The following TTN variants were observed in gnomAD, a reference collection of about 807,000 sequenced individuals.
TTN encodes the protein connectin.
Under a neutral mutation model 3,223.0 loss-of-function variants are expected in TTN, and 1,525 were observed. The observed-to-expected ratio is 0.47, with a 90% CI of 0.45 to 0.49. The LOEUF is 0.49. TTN is among the 20% of genes least tolerant of loss of function. The pLI is 0.00. For missense variants in TTN, 40,786 were observed against 43,424.0 expected (o/e 0.94, Z 5.40); for synonymous variants, 14,094 against 15,161.0 (o/e 0.93, Z 5.17).
intron 307 of TTN, 118 bp downstream of exon 307, chr2:178,587,000 C>G (rs971715072): frequency 2.1e-5 from 29 of 1,408,080 alleles, no homozygotes; most frequent in Non-Finnish European, 2.7e-5. Flanking sequence ...ATTTATTACA[C>G]TATTTCGGTC....
intron 98 of TTN, 133 bp downstream of exon 98, chr2:178,710,502 T>G (rs2076498244): frequency 8.8e-7 from 1 of 1,132,556 alleles, no homozygotes; most frequent in African/African-American, 1.6e-5. Context: ...ATAAACTTAT[T>G]TCCTCTTAAA....
At chr2:178,599,932 G>C in intron 288 of TTN, 82 bp from the exon 289 acceptor site, 1 of 1,349,712 alleles carries the variant, frequency 7.4e-7, no homozygotes, top group South Asian at 1.6e-5. Flanking sequence ...CTATAAAGTT[G>C]TTTGGATCCA....
intron 106 of TTN, among the ~76,000 whole-genome samples, chr2:178,703,331 T>C (rs892215791): frequency 6.6e-6 from 1 of 152,156 alleles, no homozygotes; most frequent in Non-Finnish European, 1.5e-5. Context: ...TAAAGAATTA[T>C]ATTAAAAATA....
chr2:178,533,224 T>G lies in TTN; in HGVS notation c.103391A>C (p.Lys34464Thr), dbSNP rs1559023019. ...GTGTCGCTCATGCTCCTCCTTACTCTTGAATTCCTGTTTCTTGTACCTCAG... is the reference window on the plus strand; with the variant it reads ...GTGTCGCTCATGCTCCTCCTTACTCGTGAATTCCTGTTTCTTGTACCTCAG... ...ERLRYKKQEF[K>T]SKEEHERHVQ... The change falls in exon 358 of 363, where the codon AAG becomes ACG. Residue 34464 changes from lysine to threonine, a missense_variant. By Grantham distance (78) the Lys-to-Thr change is moderately conservative. Coordinates refer to ENST00000589042, the MANE Select transcript of TTN (RefSeq NM_001267550.2). 4 of 1,613,996 alleles carry G rather than the reference T, an allele frequency of 2.5e-6. No homozygotes were observed. Among genetic ancestry groups the G allele is most frequent in the Non-Finnish European group, 2.5e-6 (3 of 1,179,870 alleles).
Position 178,773,735 on chromosome 2 carries a change from C to A in TTN, c.7331-10G>T. The A allele has an allele frequency of 6.2e-7, 1 of 1,614,040 alleles. No individual in the cohort carries two copies. The highest frequency in any genetic ancestry group is 8.5e-7 in the Non-Finnish European group (1 of 1,179,968). On this transcript the variant is annotated splice_polypyrimidine_tract_variant and intron_variant, in intron 31 of 362. Coordinates refer to ENST00000589042, the MANE Select transcript of TTN (RefSeq NM_001267550.2). ...GTTATCACGTCCACACCTGCAAAAT[C>A]ATACACACACAAGATGAATGAATTT... is the stretch of plus-strand genomic sequence containing the variant.
Position 178,725,862 on chromosome 2 carries a change from A to G in TTN, c.20460T>C (p.Ile6820=). 6.2e-7 allele frequency: 1 copy of G among 1,613,262 alleles called. No individual in the cohort carries two copies. The highest frequency in any genetic ancestry group is 8.5e-7 in the Non-Finnish European group (1 of 1,179,482). Residue 6820 remains isoleucine, a synonymous_variant, in exon 70 of 363, where the codon ATT becomes ATC. Transcript: ENST00000589042. ...CGATGTCTGAAGTGTCCACATTGAG[A>G]ATGTGAATACTTGTGTGGAAGTTTT... The part of the protein sequence containing the change: ...ASKNFHTSIH[I]LNVDTSDIGE...
At position 178,579,157 on chromosome 2, in the gene TTN, G is replaced by C. The variant is rs753627819; in HGVS notation, c.67873C>G (p.Leu22625Val). The C allele has an allele frequency of 6.2e-7, 1 of 1,613,404 alleles. No individual in the cohort carries two copies. The highest frequency in any genetic ancestry group is 8.5e-7 in the Non-Finnish European group (1 of 1,179,538). The change falls in exon 320 of 363, where the codon CTT becomes GTT. Residue 22625 changes from leucine (L) to valine (V), a missense_variant. Coordinates refer to ENST00000589042, the MANE Select transcript of TTN (RefSeq NM_001267550.2). ...KSDAGKYTIT[L>V]KNVAGTKEGT... ...TCCTTGGTGCCAGCAACATTCTTAAGTGTGATTGTGTATTTTCCAGCATCA... is the reference window on the plus strand; with the variant it reads ...TCCTTGGTGCCAGCAACATTCTTAACTGTGATTGTGTATTTTCCAGCATCA...
chr2:178,538,007 T>A, intron 354 of TTN, 90 bp from the exon 355 acceptor site: 1 of 1,158,028 alleles, frequency 8.6e-7, no homozygotes, highest in Non-Finnish European at 1.2e-6. Context: ...TTTACCTTAT[T>A]TACTGACACA....
At position 178,768,822 on chromosome 2, in the gene TTN, C is replaced by T. The variant is rs2090986560; in HGVS notation, c.9014G>A (p.Gly3005Asp). ...EGISYKWLKN[G>D]VEIKSTDKCQ... The stretch of plus-strand genomic sequence containing the variant: ...CTTGTCAGTTGATTTGATTTCCACA[C>T]CATTCTTTAACCATTTGTAAGAGAT... The change falls in exon 38 of 363, where the codon GGT becomes GAT. Residue 3005 changes from glycine to aspartate, a missense_variant. Gly to Asp is a moderately conservative substitution (Grantham distance 94). Coordinates refer to ENST00000589042, the MANE Select transcript of TTN (RefSeq NM_001267550.2). 7 of 1,614,102 alleles carry T rather than the reference C, an allele frequency of 4.3e-6. No individual in the cohort carries two copies. The highest frequency in any genetic ancestry group is 1.1e-5 in the South Asian group (1 of 91,074).
Position 178,594,197 on chromosome 2 carries a change from C to G in TTN, c.58196G>C (p.Arg19399Pro). 1.9e-6 allele frequency: 3 copies of G among 1,613,288 alleles called. No homozygotes were observed. Among genetic ancestry groups the G allele is most frequent in the Middle Eastern group, 1.7e-4 (1 of 6,050 alleles). ...HLDFRDKLTIRVGEAFALTGR... is the reference protein window; with the variant it reads ...HLDFRDKLTIPVGEAFALTGR... ...AGTGAGGGCAAAAGCTTCACCAACT[C>G]GAATCGTGAGCTTATCTCTGAAGTC... is the stretch of plus-strand genomic sequence containing the variant. The change falls in exon 297 of 363, where the codon CGA becomes CCA. Residue 19399 changes from arginine to proline, a missense_variant. Transcript: ENST00000589042.
chr2:178,786,014 T>C lies in TTN; in HGVS notation c.2204A>G (p.Tyr735Cys). Reference protein sequence around the residue: ...ESYAQQTTLEYGYKERISAAK... With the variant: ...ESYAQQTTLECGYKERISAAK... ...GGCGGAAATGCGTTCCTTATATCCG[T>C]ACTCCAAAGTGGTCTGCTGAGCATA... Residue 735 changes from tyrosine to cysteine, a missense_variant, in exon 14 of 363, where the codon TAC (tyrosine) becomes TGC (cysteine). By Grantham distance (194) the Tyr-to-Cys change is radical. Transcript: ENST00000589042. 1 of 1,614,122 alleles carries C rather than the reference T, an allele frequency of 6.2e-7. No individual in the cohort carries two copies.
rs540398259 is a variant in TTN at position 178,560,620 on chromosome 2, C to T, written c.85512G>A (p.Glu28504=). The change falls in exon 326 of 363, where the codon GAG becomes GAA. Residue 28504 remains glutamate (E), a synonymous_variant. Transcript: ENST00000589042. The stretch of plus-strand genomic sequence containing the variant: ...TTACTTTACAGGATGTCATCTGTAA[C>T]TCTCCTTCACATATTGTCCATGCAA... The part of the protein sequence containing the change: ...SHLAWTICEG[E]LQMTSCKVTK... 5 of 1,613,446 alleles carry T rather than the reference C, an allele frequency of 3.1e-6. No homozygotes were observed. The Admixed American group carries it at 5.0e-5, about 16-fold the overall frequency.
intron 81 of TTN, 47 bp from the exon 82 acceptor site, chr2:178,719,879 C>T (rs2078070768): frequency 6.4e-7 from 1 of 1,562,212 alleles, no homozygotes; most frequent in Admixed American, 1.9e-5. Context: ...ACCTTTCAAA[C>T]TCAAGAGTGC....
chr2:178,766,688 T>C, intron 40 of TTN, 76 bp from the exon 41 acceptor site: 1 of 1,153,308 alleles, frequency 8.7e-7, no homozygotes, highest in South Asian at 1.3e-5. Flanking sequence ...AGTTAATCAA[T>C]TTCTAAAACT....
intron 155 of TTN, 103 bp from the exon 156 acceptor site, chr2:178,671,273 TA>T (rs1336143814): frequency 1.6e-5 from 12 of 741,792 alleles, no homozygotes; most frequent in South Asian, 2.4e-5. Flanking sequence ...TCTTTATCTA[TA>T]TTTTTTTAAT....
rs144507270 is a variant in TTN at position 178,609,302 on chromosome 2, G to C, written c.52008C>G (p.Val17336=). The change falls in exon 273 of 363, where the codon GTC becomes GTG. Residue 17336 remains valine (V), a synonymous_variant. Coordinates refer to ENST00000589042, the MANE Select transcript of TTN (RefSeq NM_001267550.2). ...NSKKGESQLR[V]RDSLRPDHGL... ...CATGGTCAGGTCGGAGAGAATCTCG[G>C]ACGCGTAGCTGAGATTCTCCCTTTT... 98 of 1,602,842 alleles carry C rather than the reference G, an allele frequency of 6.1e-5. No individual in the cohort carries two copies. The African/African-American group carries it at 1.2e-3, about 20-fold the overall frequency.
Position 178,771,344 on chromosome 2 carries a change from C to T in TTN, c.7983G>A (p.Leu2661=). The T allele has an allele frequency of 6.2e-7, 1 of 1,614,064 alleles. No individual in the cohort carries two copies. The highest frequency in any genetic ancestry group is 1.1e-5 in the South Asian group (1 of 91,086). The change falls in exon 34 of 363, where the codon CTG becomes CTA. Residue 2661 remains leucine (L), a synonymous_variant. Transcript: ENST00000589042. The stretch of plus-strand genomic sequence containing the variant: ...CAGACTCACTTCTGATGTTGTTAGT[C>T]AGTGGTAGGTGTTTGCCATCCCTCA... ...EWLRDGKHLP[L]TNNIRSESDG...
Position 178,587,506 on chromosome 2 carries a change from AG to A in TTN, c.63793+9del, listed in dbSNP as rs771033923. 30 of 1,605,640 alleles carry A rather than the reference AG, an allele frequency of 1.9e-5. No homozygotes were observed. The highest frequency in any genetic ancestry group is 2.4e-5 in the Non-Finnish European group (28 of 1,176,318). ...TTGAAGTGGGAGGGAGAAGCATTTT[AG>A]TAACCCACCTAATACTCTGACATTT... On this transcript the variant is annotated intron_variant, in intron 306 of 362. Coordinates refer to ENST00000589042, the MANE Select transcript of TTN (RefSeq NM_001267550.2).
In TTN at chr2:178,601,323, A is replaced by G; in HGVS notation, c.55674T>C (p.Arg18558=). ...TTTCCACAGGTGGGCCAATACCAAA[A>G]CGGTTTTCTGCTCGCACACGGAAGA... ...QYFFRVRAEN[R]FGIGPPVETI... is the part of the protein sequence containing the mutation. Residue 18558 remains arginine (R), a synonymous_variant, in exon 287 of 363, where the codon CGT becomes CGC. Transcript: ENST00000589042. The G allele has an allele frequency of 6.2e-7, 1 of 1,608,070 alleles. No homozygotes were observed. The highest frequency in any genetic ancestry group is 8.5e-7 in the Non-Finnish European group (1 of 1,176,080).
Sources: allele counts gnomAD v4.1 joint callset (sites outside exome capture counted in the v4.1 genomes callset), GRCh38; gene constraint gnomAD v4.1.1; transcripts MANE v1.5; gene names NCBI Gene and HGNC (gene_info 2026-07-23, HGNC 2026-07-21).